ZNF684: variants seen among roughly 807,000 people sequenced by gnomAD.
ZNF684 encodes zinc finger protein 684, also known as hypothetical protein MGC27466.
A neutral mutation model predicts 12.8 loss-of-function variants in ZNF684; 13 were observed. The observed-to-expected ratio is 1.02, with a 90% CI of 0.66 to 1.62. The LOEUF is 1.62. ZNF684 is among the 40% of genes most tolerant of loss of function. The pLI is 0.00. For synonymous variants in ZNF684, 118 were observed against 151.8 expected, an observed-to-expected ratio of 0.78 and a Z score of 1.64; for missense variants, 384 against 446.9, an observed-to-expected ratio of 0.86 and a Z score of 1.27.
In ZNF684 at chr1:40,547,063, A is replaced by G; in HGVS notation, c.740A>G (p.Gln247Arg). 6.2e-7 allele frequency: 1 copy of G among 1,614,198 alleles called. No individual in the cohort carries two copies. The highest frequency in any genetic ancestry group is 8.5e-7 in the Non-Finnish European group (1 of 1,180,030). Residue 247 changes from glutamine (Q) to arginine (R), a missense_variant, in exon 5 of 5, where the codon CAA (glutamine) becomes CGA (arginine). By Grantham distance (43) the Gln-to-Arg change is conservative. Coordinates refer to ENST00000372699, the MANE Select transcript of ZNF684 (RefSeq NM_152373.4). ...GGAGAGAAGCCTTATGAGTGCAGTC[A>G]ATGTGGGAAAACATTCACTTGGAAC... ...HTGEKPYECS[Q>R]CGKTFTWNSS...
In ZNF684 at chr1:40,540,673, G is replaced by A. The variant is rs1247547680; in HGVS notation, c.103G>A (p.Asp35Asn). The A allele has an allele frequency of 3.7e-5, 60 of 1,611,660 alleles. No homozygotes were observed. The highest frequency in any genetic ancestry group is 4.9e-5 in the Non-Finnish European group (58 of 1,178,894). The change falls in exon 3 of 5, where the codon GAT (aspartate) becomes AAT (asparagine). Residue 35 changes from aspartate to asparagine, a missense_variant. Coordinates refer to ENST00000372699, the MANE Select transcript of ZNF684 (RefSeq NM_152373.4). Reference protein sequence around the residue: ...LDCAERTLYWDVMLENYRNLI... With the variant: ...LDCAERTLYWNVMLENYRNLI... ...TTGTGCTGAGAGAACCCTGTATTGG[G>A]ATGTGATGTTGGAGAACTATAGAAA...
chr1:40,532,082 A>T (rs1645961417), intron 1 of ZNF684, among the ~76,000 whole-genome samples: 1 of 152,062 alleles, frequency 6.6e-6, no homozygotes, highest in Non-Finnish European at 1.5e-5. Context: ...TGGTTCCAAG[A>T]GCATAGTTGG....
intron 2 of ZNF684, among the ~76,000 whole-genome samples, chr1:40,535,889 C>A (rs1645981378): frequency 6.6e-6 from 1 of 152,130 alleles, no homozygotes; most frequent in South Asian, 2.1e-4. Flanking sequence ...TCAACTCTGT[C>A]CTTGAAGCTG....
At chr1:40,539,560 T>C (rs1355810834) in intron 2 of ZNF684, among the ~76,000 whole-genome samples, 1 of 152,078 alleles carries the variant, frequency 6.6e-6, no homozygotes, top group African/African-American at 2.4e-5. Flanking sequence ...GCAATCCCAG[T>C]GTACAGGAGT....
At chr1:40,536,398 AAAAAAAAAAAAG>A (rs1355523035) in intron 2 of ZNF684, among the ~76,000 whole-genome samples, 9 of 148,730 alleles carry the variant, frequency 6.1e-5, no homozygotes, top group African/African-American at 2.0e-4. Context: ...CGTCTCACAA[AAAAAAAAAAAAG>A]AAAAAAAAAA....
At chr1:40,536,518 T>C (rs1218800775) in intron 2 of ZNF684, among the ~76,000 whole-genome samples, 3 of 151,834 alleles carry the variant, frequency 2.0e-5, no homozygotes, top group Non-Finnish European at 4.4e-5. Flanking sequence ...AACATCTTTT[T>C]TTTTTTTTTT....
At chr1:40,532,463 C>T (rs1645963051) in intron 1 of ZNF684, among the ~76,000 whole-genome samples, 1 of 150,628 alleles carries the variant, frequency 6.6e-6, no homozygotes, top group Non-Finnish European at 1.5e-5. Flanking sequence ...GATTTGTAGT[C>T]ATTTTGTAGA....
Position 40,547,595 on chromosome 1 carries a change from C to T in ZNF684, c.*135C>T. On this transcript the variant is annotated 3_prime_UTR_variant, in exon 5 of 5. Transcript: ENST00000372699. ...GATTCCCATAAAAAACAACCAATGC[C>T]AATCATGTTCTGGAAGTGATAATAA... 1 of 734,318 alleles carries T rather than the reference C, an allele frequency of 1.4e-6. No individual in the cohort carries two copies. The highest frequency in any genetic ancestry group is 2.1e-6 in the Non-Finnish European group (1 of 483,492). The allele number at this position is 734,318 out of a possible 1,614,324, so 45.5% of individuals were successfully genotyped here. A position where few individuals can be genotyped will look rare whatever the true frequency, so the allele number is the denominator to read the frequency against.
At chr1:40,541,525 A>G in intron 3 of ZNF684, 90 bp from the exon 4 acceptor site, 2 of 1,005,456 alleles carry the variant, frequency 2.0e-6, no homozygotes, top group Non-Finnish European at 3.1e-6. Context: ...TCCTTTAAAA[A>G]TCCTGAGACT....
In ZNF684 at chr1:40,546,695, T is replaced by C. The variant is rs928250623; in HGVS notation, c.372T>C (p.Ser124=). 1.2e-6 allele frequency: 2 copies of C among 1,613,684 alleles called. No individual in the cohort carries two copies. The highest frequency in any genetic ancestry group is 2.7e-5 in the African/African-American group (2 of 74,908). The change falls in exon 5 of 5, where the codon AGT becomes AGC. Residue 124 remains serine, a synonymous_variant. Transcript: ENST00000372699. The part of the protein sequence containing the change: ...ERIHHYNMST[S]LNPMRKKSYK... ...TCCACCATTATAATATGAGCACAAG[T>C]CTTAATCCAATGAGAAAAAAATCAT... is the stretch of plus-strand genomic sequence containing the variant.
intron 4 of ZNF684, 132 bp downstream of exon 4, chr1:40,541,842 C>G (rs1646018404): frequency 3.0e-6 from 2 of 671,456 alleles, no homozygotes; most frequent in South Asian, 3.7e-5. Context: ...CATCATCAGC[C>G]AGCTCCCCAA....
At chr1:40,533,204 C>T (rs1171149406) in intron 2 of ZNF684, 23 bp downstream of exon 2, 2 of 1,611,318 alleles carry the variant, frequency 1.2e-6, no homozygotes, top group Admixed American at 3.3e-5. Context: ...TCTATTCATC[C>T]AGTTGTTTAA....
chr1:40,533,558 G>C (rs2124505805), intron 2 of ZNF684, among the ~76,000 whole-genome samples: 1 of 152,318 alleles, frequency 6.6e-6, no homozygotes, highest in South Asian at 2.1e-4. Flanking sequence ...ATTCACAGCA[G>C]CAGCCTGCGA....
chr1:40,534,280 AC>A (rs1383461391), intron 2 of ZNF684, among the ~76,000 whole-genome samples: 1 of 107,138 alleles, frequency 9.3e-6, no homozygotes, highest in African/African-American at 3.8e-5. Flanking sequence ...TCACTCTGTT[AC>A]CCAGGCTGGA....
In ZNF684 at chr1:40,547,259, C is replaced by T. The variant is rs138962401; in HGVS notation, c.936C>T (p.Ser312=). ...IICGKAFGNT[S]VLVTHQRIHT... ...GTGGCAAAGCTTTTGGCAACACATC[C>T]GTGCTTGTTACACACCAAAGAATTC... Residue 312 remains serine (S), a synonymous_variant, in exon 5 of 5, where the codon TCC becomes TCT. Transcript: ENST00000372699. The T allele has an allele frequency of 2.0e-5, 33 of 1,614,024 alleles. No homozygotes were observed. The highest frequency in any genetic ancestry group is 1.2e-4 in the Admixed American group (7 of 59,986).
At chr1:40,532,162 G>A (rs913877584) in intron 1 of ZNF684, among the ~76,000 whole-genome samples, 7 of 152,144 alleles carry the variant, frequency 4.6e-5, no homozygotes, top group African/African-American at 1.4e-4. Flanking sequence ...CTATTTCAAG[G>A]GATCCAGGAA....
At chr1:40,535,591 TG>T (rs142274098) in intron 2 of ZNF684, among the ~76,000 whole-genome samples, 23,432 of 136,008 alleles carry the variant, frequency 0.17, 2,340 homozygotes, top group East Asian at 0.44. Context: ...AGTAGATAGT[TG>T]TTTTTTTTTT....
At chr1:40,538,161 T>G (rs1428432489) in intron 2 of ZNF684, among the ~76,000 whole-genome samples, 1 of 152,060 alleles carries the variant, frequency 6.6e-6, no homozygotes, top group Non-Finnish European at 1.5e-5. Flanking sequence ...CCAGCTAATT[T>G]TTTTTTATTT....
chr1:40,547,644 A>G lies in ZNF684; in HGVS notation c.*184A>G. 2 of 499,720 alleles carry G rather than the reference A, an allele frequency of 4.0e-6. No individual in the cohort carries two copies. Among genetic ancestry groups the G allele is most frequent in the South Asian group, 8.7e-5 (2 of 22,876 alleles). 31.0% of individuals were successfully genotyped at this position (499,720 alleles called of 1,614,324 possible). ...AAACTTTTTACAGAAAATATGACAG[A>G]AAACAACTATAAATAATAGAGCATA... On this transcript the variant is annotated 3_prime_UTR_variant, in exon 5 of 5. Coordinates refer to ENST00000372699, the MANE Select transcript of ZNF684 (RefSeq NM_152373.4).
Sources: allele counts gnomAD v4.1 joint callset (sites outside exome capture counted in the v4.1 genomes callset), GRCh38; gene constraint gnomAD v4.1.1; transcripts MANE v1.5; gene names NCBI Gene and HGNC (gene_info 2026-07-23, HGNC 2026-07-21).